The following ENPP2 variants were observed in gnomAD, a reference collection of about 807,000 sequenced individuals.
The protein encoded by ENPP2 is ectonucleotide pyrophosphatase/phosphodiesterase 2.
ENPP2 carries 51 observed loss-of-function variants against 120.2 expected under a neutral mutation model. That is an observed-to-expected ratio of 0.42 (90% confidence interval 0.34 to 0.54). ENPP2 has a LOEUF of 0.54. Ranked by LOEUF, ENPP2 falls within the 20% of genes least tolerant of loss-of-function variation. The probability of loss-of-function intolerance (pLI) is 0.04; values close to 1 mark genes in which losing one functional copy is unlikely to be tolerated. For missense variants in ENPP2, 920 were observed against 1,066.5 expected, an observed-to-expected ratio of 0.86 and a Z score of 1.91; for synonymous variants, 365 against 366.4, an observed-to-expected ratio of 1.00 and a Z score of 0.04.
chr8:119,589,248 G>A (rs1813333164), intron 13 of ENPP2, among the ~76,000 whole-genome samples: 1 of 152,082 alleles, frequency 6.6e-6, no homozygotes, highest in Admixed American at 6.5e-5. Context: ...AGAGGTACAG[G>A]GCGTCACATG....
At chr8:119,586,953 C>T in intron 14 of ENPP2, 91 bp downstream of exon 14, 2 of 1,084,244 alleles carry the variant, frequency 1.8e-6, no homozygotes, top group African/African-American at 1.5e-5. Flanking sequence ...CCTCCCACCC[C>T]TCCCCGCCGG....
chr8:119,651,248 G>A (rs1312964965), intron 1 of ENPP2, among the ~76,000 whole-genome samples: 1 of 152,148 alleles, frequency 6.6e-6, no homozygotes, highest in Non-Finnish European at 1.5e-5. Flanking sequence ...ATTTCAGAAA[G>A]GGAGTAGAGA....
intron 5 of ENPP2, among the ~76,000 whole-genome samples, chr8:119,618,852 A>T (rs1317835894): frequency 6.6e-6 from 1 of 152,066 alleles, no homozygotes; most frequent in Non-Finnish European, 1.5e-5. Flanking sequence ...TGGATAACAC[A>T]GTTTTAAAGG....
intron 1 of ENPP2, among the ~76,000 whole-genome samples, chr8:119,662,347 T>C (rs1041568871): frequency 2.6e-5 from 4 of 152,174 alleles, no homozygotes; most frequent in African/African-American, 9.7e-5. Context: ...TAAAGTAAAT[T>C]GCATAGATAT....
rs1371663008 is a variant in ENPP2 at position 119,569,260 on chromosome 8, C to T, written c.2028G>A (p.Met676Ile). The change falls in exon 21 of 25, where the codon ATG becomes ATA. Residue 676 changes from methionine to isoleucine, a missense_variant. By Grantham distance (10) the Met-to-Ile change is conservative. Transcript: ENST00000075322. ...AAGGAGGAAAGAGGAATCCGTAGGA[C>T]ATCTGCTTATCATTTTTGTAGGCCA... ...NCLAYKNDKQ[M>I]SYGFLFPPYL... The T allele has an allele frequency of 5.0e-6, 8 of 1,613,940 alleles. No homozygotes were observed. The highest frequency in any genetic ancestry group is 3.3e-5 in the Admixed American group (2 of 59,998).
intron 24 of ENPP2, 58 bp downstream of exon 24, chr8:119,562,799 T>C: frequency 6.7e-7 from 1 of 1,494,740 alleles, no homozygotes; most frequent in Non-Finnish European, 9.2e-7. Flanking sequence ...AAATATAAAG[T>C]AAGAAACGAA....
chr8:119,669,974 C>T (rs565751751), intron 1 of ENPP2, among the ~76,000 whole-genome samples: 1 of 152,318 alleles, frequency 6.6e-6, no homozygotes, highest in South Asian at 2.1e-4. Flanking sequence ...GGCTTGCTTG[C>T]CCACTGGCCC....
chr8:119,600,410 G>T (rs1036286074), intron 11 of ENPP2, among the ~76,000 whole-genome samples: 3 of 152,076 alleles, frequency 2.0e-5, no homozygotes, highest in African/African-American at 4.8e-5. Context: ...ACGCCCACAA[G>T]GCTAGAATAC....
At chr8:119,630,070 C>T (rs1263520169) in intron 2 of ENPP2, among the ~76,000 whole-genome samples, 1 of 151,920 alleles carries the variant, frequency 6.6e-6, no homozygotes, top group Admixed American at 6.6e-5. Context: ...CCTGCAACCA[C>T]GCGCCTTGCT....
At chr8:119,665,732 T>C (rs1386104471) in intron 1 of ENPP2, among the ~76,000 whole-genome samples, 1 of 152,372 alleles carries the variant, frequency 6.6e-6, no homozygotes, top group East Asian at 1.9e-4. Flanking sequence ...GTAATTGATA[T>C]ATGTAACATA....
intron 8 of ENPP2, among the ~76,000 whole-genome samples, chr8:119,608,333 A>G (rs773458384): frequency 3.9e-4 from 59 of 152,304 alleles, no homozygotes; most frequent in Admixed American, 1.8e-3. Context: ...AGGACCCAAG[A>G]GTGGGCCATA....
intron 8 of ENPP2, among the ~76,000 whole-genome samples, chr8:119,611,668 C>G (rs1225581491): frequency 6.6e-6 from 1 of 152,202 alleles, no homozygotes; most frequent in Non-Finnish European, 1.5e-5. Flanking sequence ...AACAGAAATA[C>G]ACCAAGTCCC....
intron 22 of ENPP2, among the ~76,000 whole-genome samples, chr8:119,565,703 A>T (rs909651375): frequency 2.2e-5 from 3 of 135,154 alleles, no homozygotes; most frequent in Admixed American, 1.5e-4. Flanking sequence ...TCACTGCTCT[A>T]TCCTGGTCTA....
At chr8:119,600,826 G>T (rs1013987458) in intron 10 of ENPP2, 76 bp from the exon 11 acceptor site, 21 of 849,592 alleles carry the variant, frequency 2.5e-5, no homozygotes, top group African/African-American at 2.3e-4. Context: ...TTTAAAAAAC[G>T]CATTTAAAAA....
intron 15 of ENPP2, among the ~76,000 whole-genome samples, chr8:119,585,139 C>T (rs1813014372): frequency 6.6e-6 from 1 of 152,138 alleles, no homozygotes; most frequent in African/African-American, 2.4e-5. Context: ...ATAAAAGGTC[C>T]TTCAGGAGCA....
chr8:119,668,599 T>C (rs998547869), intron 1 of ENPP2, among the ~76,000 whole-genome samples: 1 of 151,798 alleles, frequency 6.6e-6, no homozygotes, highest in Admixed American at 6.6e-5. Flanking sequence ...CAGCTAATTT[T>C]TCTATTTTTA....
upstream of ENPP2, among the ~76,000 whole-genome samples, chr8:119,639,359 T>C (rs1013765669): frequency 6.6e-6 from 1 of 152,216 alleles, no homozygotes; most frequent in African/African-American, 2.4e-5. Flanking sequence ...CTGTCCCTAG[T>C]ATCACATTCT....
rs766985109 is a variant in ENPP2, at chr8:119,593,784, C to G, written c.1049G>C (p.Arg350Pro). 7 of 1,612,440 alleles carry G rather than the reference C, an allele frequency of 4.3e-6. No homozygotes were observed. The highest frequency in any genetic ancestry group is 5.9e-6 in the Non-Finnish European group (7 of 1,178,504). ...TCCGACAAAGATGACGTTGACACAC[C>G]GATGCAGTTTTAGTTGTTTCAGTCC... The part of the protein sequence containing the change: ...MDGLKQLKLH[R>P]CVNVIFVGDH... The change falls in exon 12 of 25, where the codon CGG becomes CCG. Residue 350 changes from arginine to proline, a missense_variant. Coordinates refer to ENST00000075322, the MANE Select transcript of ENPP2 (RefSeq NM_001040092.3).
chr8:119,562,638 T>C (rs949731097), intron 24 of ENPP2, among the ~76,000 whole-genome samples: 14 of 152,210 alleles, frequency 9.2e-5, no homozygotes, highest in African/African-American at 3.4e-4. Flanking sequence ...TACACATTGA[T>C]AGAATTATGT....
Sources: allele counts gnomAD v4.1 joint callset (sites outside exome capture counted in the v4.1 genomes callset), GRCh38; gene constraint gnomAD v4.1.1; transcripts MANE v1.5; gene names NCBI Gene and HGNC (gene_info 2026-07-23, HGNC 2026-07-21).